SCN3A: variants seen among roughly 807,000 people sequenced by gnomAD.
SCN3A encodes the protein sodium channel protein type 3 subunit alpha.
In SCN3A, 60 loss-of-function variants were observed where a neutral mutation model predicts 187.6. That is an observed-to-expected ratio of 0.32 (90% CI 0.26 to 0.40). The LOEUF (loss-of-function observed/expected upper bound fraction) is 0.40, where lower values mean the gene tolerates loss of function less well. SCN3A is among the 10% of genes least tolerant of loss of function. The pLI, the probability that SCN3A is intolerant of heterozygous loss-of-function variation, is 1.00. For synonymous variants in SCN3A, 788 were observed against 829.2 expected, an observed-to-expected ratio of 0.95 and a Z score of 0.85; for missense variants, 1,601 against 2,428.2, an observed-to-expected ratio of 0.66 and a Z score of 7.16.
intron 11 of SCN3A, among the ~76,000 whole-genome samples, chr2:165,147,468 G>A (rs989837606): frequency 1.3e-5 from 2 of 152,020 alleles, no homozygotes; most frequent in Non-Finnish European, 2.9e-5. Flanking sequence ...CAGTACAAAA[G>A]ACTGTTTCTT....
rs899759512 is a variant in SCN3A, at chr2:165,136,716, C to T, written c.2391+1163G>A. On this transcript the variant is annotated intron_variant, in intron 15 of 27. Transcript: ENST00000283254. ...TTATTGAGTGACTAGCATGTAAACA[C>T]TGAGAGAGGCAACAGAAAAATGGGA... Among the ~76,000 whole-genome samples, 7 of 152,188 alleles carry T rather than the reference C, an allele frequency of 4.6e-5. 1 individual carries two copies. The highest frequency in any genetic ancestry group is 1.3e-4 in the Admixed American group (2 of 15,266).
At chr2:165,112,703 T>G (rs1686180304) in intron 21 of SCN3A, among the ~76,000 whole-genome samples, 182 bp downstream of exon 21, 1 of 152,200 alleles carries the variant, frequency 6.6e-6, no homozygotes, top group Non-Finnish European at 1.5e-5. Flanking sequence ...ACTGCCCATG[T>G]TTTTAGGACC....
At position 165,154,734 on chromosome 2, in the gene SCN3A, G is replaced by C. The variant is rs894260175; in HGVS notation, c.1174-76C>G. On this transcript the variant is annotated intron_variant, in intron 10 of 27. Coordinates refer to ENST00000283254, the MANE Select transcript of SCN3A (RefSeq NM_006922.4). The stretch of plus-strand genomic sequence containing the variant: ...AATAAATATCTGATTACCACAGTTA[G>C]ATAGTCAGTAGACTAATTAGCTTTT... 12 of 1,401,076 alleles carry C rather than the reference G, an allele frequency of 8.6e-6. No homozygotes were observed. The African/African-American group carries it at 1.7e-4, about 20-fold the overall frequency. The allele number at this position is 1,401,076 out of a possible 1,614,324, so 86.8% of individuals were successfully genotyped here. A position where few individuals can be genotyped will look rare whatever the true frequency, so the allele number is the denominator to read the frequency against.
intron 21 of SCN3A, among the ~76,000 whole-genome samples, chr2:165,109,513 A>G (rs989243266): frequency 6.6e-6 from 1 of 152,072 alleles, no homozygotes; most frequent in Non-Finnish European, 1.5e-5. Context: ...TAATGGTTCT[A>G]TCCTCTACCC....
Position 165,090,258 on chromosome 2 carries a change from G to A in SCN3A, c.5895C>T (p.Thr1965=), listed in dbSNP as rs1412114524. ...PEKTDGSSST[T]SPPSYDSVTK... is the part of the protein sequence containing the mutation. ...TTACACTATCATAGGAAGGAGGAGA[G>A]GTGGTAGAGGAACTCCCATCTGTTT... Residue 1965 remains threonine (T), a synonymous_variant, in exon 28 of 28, where the codon ACC becomes ACT. Transcript: ENST00000283254. The surrounding 1 kb of genome is among the most constrained non-coding windows in gnomAD (Gnocchi z 4.0). The A allele has an allele frequency of 6.2e-6, 10 of 1,611,770 alleles. No individual in the cohort carries two copies. Among genetic ancestry groups the A allele is most frequent in the South Asian group, 1.1e-5 (1 of 90,774 alleles).
rs757979106 is a variant in SCN3A, at chr2:165,127,826, A to G, written c.3198T>C (p.Asp1066=). Reference sequence around the variant, plus strand: ...CTACACCACTGGTGGTTCCATTCCCATCTCTAAGATAATTAAGCTCTTTGC... The same window carrying G: ...CTACACCACTGGTGGTTCCATTCCCGTCTCTAAGATAATTAAGCTCTTTGC... ...EISKELNYLR[D]GNGTTSGVGT... is the part of the protein sequence containing the mutation. Residue 1066 remains aspartate (D), a synonymous_variant, in exon 18 of 28, where the codon GAT becomes GAC. Coordinates refer to ENST00000283254, the MANE Select transcript of SCN3A (RefSeq NM_006922.4). 13 of 1,614,180 alleles carry G rather than the reference A, an allele frequency of 8.1e-6. No homozygotes were observed. The highest frequency in any genetic ancestry group is 2.2e-5 in the East Asian group (1 of 44,868).
intron 5 of SCN3A, among the ~76,000 whole-genome samples, chr2:165,166,237 G>A (rs933376338): frequency 6.6e-6 from 1 of 152,168 alleles, no homozygotes; most frequent in African/African-American, 2.4e-5. Flanking sequence ...TATGGGAAGT[G>A]TTCATGGCTG....
At position 165,178,301 on chromosome 2, in the gene SCN3A, A is replaced by G. The variant is rs112654933; in HGVS notation, c.-50-1857T>C. Among the ~76,000 whole-genome samples, 1,125 of 152,204 alleles carry G rather than the reference A, an allele frequency of 7.4e-3. 13 individuals carry two copies. The highest frequency in any genetic ancestry group is 0.021 in the African/African-American group (865 of 41,522). ...GAGTGCAGTGGCACAATCACGGCTCACTGCAGCCTTGAACTCCCGGGCTCA... is the reference window on the plus strand; with the variant it reads ...GAGTGCAGTGGCACAATCACGGCTCGCTGCAGCCTTGAACTCCCGGGCTCA... On this transcript the variant is annotated intron_variant, in intron 2 of 27. Coordinates refer to ENST00000283254, the MANE Select transcript of SCN3A (RefSeq NM_006922.4).
intron 11 of SCN3A, among the ~76,000 whole-genome samples, chr2:165,153,684 A>T (rs573288860): frequency 6.6e-6 from 1 of 152,306 alleles, no homozygotes; most frequent in South Asian, 2.1e-4. Context: ...TGAGATACTT[A>T]TTAGAATGGC....
rs553270462 is a variant in SCN3A at position 165,170,568 on chromosome 2, T to G, written c.265-20A>C. 1 of 1,371,230 alleles carries G rather than the reference T, an allele frequency of 7.3e-7. No individual in the cohort carries two copies. The highest frequency in any genetic ancestry group is 1.0e-6 in the Non-Finnish European group (1 of 959,944). 84.9% of individuals were successfully genotyped at this position (1,371,230 alleles called of 1,614,324 possible). A position where few individuals can be genotyped will look rare whatever the true frequency, so the allele number is the denominator to read the frequency against. ...AAAAGTCTGAAAAAGAAAATACGAG[T>G]AAAATTACTAAATTAGACATGGGCT... On this transcript the variant is annotated intron_variant, in intron 3 of 27. Coordinates refer to ENST00000283254, the MANE Select transcript of SCN3A (RefSeq NM_006922.4).
intron 2 of SCN3A, among the ~76,000 whole-genome samples, chr2:165,185,354 A>G (rs918828239): frequency 6.6e-6 from 1 of 152,182 alleles, no homozygotes; most frequent in Non-Finnish European, 1.5e-5. Context: ...GTTTCCTTCA[A>G]GTCCCTTGCC....
intron 1 of SCN3A, among the ~76,000 whole-genome samples, chr2:165,188,453 T>A (rs936648998): frequency 6.6e-6 from 1 of 152,134 alleles, no homozygotes; most frequent in Non-Finnish European, 1.5e-5. Context: ...AACTATTATA[T>A]AAAATTGGAC....
intron 25 of SCN3A, 92 bp downstream of exon 25, chr2:165,095,419 A>G: frequency 1.6e-6 from 2 of 1,289,190 alleles, no homozygotes; most frequent in Non-Finnish European, 2.2e-6. Flanking sequence ...ACATGATTTA[A>G]GTCTGTCATG....
At chr2:165,167,658 G>T (rs1262504007) in intron 5 of SCN3A, among the ~76,000 whole-genome samples, 1 of 151,984 alleles carries the variant, frequency 6.6e-6, no homozygotes, top group Non-Finnish European at 1.5e-5. Flanking sequence ...AACCTCATAT[G>T]TGACTGAAAA....
chr2:165,157,721 A>G (rs1266478856), intron 9 of SCN3A, among the ~76,000 whole-genome samples: 1 of 152,194 alleles, frequency 6.6e-6, no homozygotes, highest in African/African-American at 2.4e-5. Flanking sequence ...TCTGCATAGG[A>G]TATTTGTCCA....
chr2:165,138,226 A>G, intron 14 of SCN3A, 109 bp from the exon 15 acceptor site: 1 of 799,772 alleles, frequency 1.3e-6, no homozygotes, highest in South Asian at 1.5e-5. Context: ...TTGAAAATAG[A>G]AGTTCATATT....
intron 22 of SCN3A, 155 bp from the exon 23 acceptor site, chr2:165,097,679 GA>G (rs1197130091): frequency 4.3e-6 from 4 of 939,372 alleles, no homozygotes; most frequent in Non-Finnish European, 6.4e-6. Flanking sequence ...GCACATATTT[GA>G]AGGAAAACAA....
chr2:165,198,630 C>G (rs191806779), intron 1 of SCN3A, among the ~76,000 whole-genome samples: 10 of 152,078 alleles, frequency 6.6e-5, no homozygotes, highest in African/African-American at 2.4e-4. Context: ...AGGCGTTTTC[C>G]ATTTTAAAAA....
intron 2 of SCN3A, among the ~76,000 whole-genome samples, chr2:165,184,483 GAAAAAAAAAAAAAAAAGA>G (rs1338428946): frequency 3.4e-5 from 2 of 59,574 alleles, no homozygotes; most frequent in African/African-American, 1.0e-4. Flanking sequence ...GTCTAGTTCA[GAAAAAAAAAAAAAAAAGA>G]AAAAAAAAAA....
Sources: allele counts gnomAD v4.1 joint callset (sites outside exome capture counted in the v4.1 genomes callset), GRCh38; gene constraint gnomAD v4.1.1; non-coding constraint Gnocchi (gnomAD v3.1); transcripts MANE v1.5; gene names NCBI Gene and HGNC (gene_info 2026-07-23, HGNC 2026-07-21).